CNTN5: variants seen among roughly 807,000 people sequenced by gnomAD.
The protein encoded by CNTN5 is contactin-5.
A neutral mutation model predicts 129.1 loss-of-function variants in CNTN5; 77 were observed. The ratio of observed to expected loss-of-function variants is 0.60; its 90% CI spans 0.50 to 0.72. CNTN5 has a LOEUF of 0.72. Ranked by LOEUF, CNTN5 falls within the 30% of genes least tolerant of loss-of-function variation. CNTN5 has a pLI of 0.00. For synonymous variants in CNTN5, 509 were observed against 465.6 expected (o/e 1.09, Z -1.20); for missense variants, 1,478 against 1,328.8 (o/e 1.11, Z -1.75).
intron 3 of CNTN5, among the ~76,000 whole-genome samples, chr11:99,616,488 G>C (rs957190776): frequency 2.6e-5 from 4 of 152,050 alleles, no homozygotes; most frequent in African/African-American, 9.7e-5. Context: ...TATGATGTTT[G>C]TCCCTGACTA....
chr11:99,341,362 T>C (rs1243788249), intron 2 of CNTN5, among the ~76,000 whole-genome samples: 1 of 152,212 alleles, frequency 6.6e-6, no homozygotes, highest in Admixed American at 6.5e-5. Flanking sequence ...AGTTTACATA[T>C]ATAATCTCAT....
At chr11:99,229,945 TAAG>T (rs1181779562) in intron 1 of CNTN5, among the ~76,000 whole-genome samples, 3 of 151,908 alleles carry the variant, frequency 2.0e-5, no homozygotes, top group Non-Finnish European at 4.4e-5. Flanking sequence ...AATGGAAAAA[TAAG>T]AAAACTTCCT....
At chr11:100,063,512 A>G (rs1943566459) in intron 10 of CNTN5, among the ~76,000 whole-genome samples, 2 of 152,180 alleles carry the variant, frequency 1.3e-5, no homozygotes, top group Admixed American at 1.3e-4. Context: ...TGTTTAGGGT[A>G]GCTTTCTACC....
intron 1 of CNTN5, among the ~76,000 whole-genome samples, chr11:99,042,667 G>T (rs1231983917): frequency 6.6e-6 from 1 of 151,816 alleles, no homozygotes; most frequent in Non-Finnish European, 1.5e-5. Context: ...GAGCCACCGC[G>T]CCCGGCCACC....
intron 4 of CNTN5, among the ~76,000 whole-genome samples, chr11:99,828,541 T>A (rs1313062836): frequency 6.6e-6 from 1 of 152,184 alleles, no homozygotes; most frequent in African/African-American, 2.4e-5. Context: ...ACAATATCAA[T>A]TAACTTTTAA....
intron 2 of CNTN5, among the ~76,000 whole-genome samples, chr11:99,493,608 G>A (rs762565839): frequency 2.0e-5 from 3 of 152,054 alleles, no homozygotes; most frequent in African/African-American, 4.8e-5. Flanking sequence ...CGGTTCTAGT[G>A]CAGGTTCAAA....
chr11:99,810,351 T>G (rs188457454), intron 3 of CNTN5, among the ~76,000 whole-genome samples: 35 of 152,284 alleles, frequency 2.3e-4, no homozygotes, highest in African/African-American at 7.9e-4. Context: ...ATATGTCTAT[T>G]TTTTCAGTCT....
chr11:99,382,844 A>AGTTTTTTTTTTTTTTTT lies in CNTN5; in HGVS notation c.-71+57360_-71+57361insGTTTTTTTTTTTTTTTT, dbSNP rs774797660. Among the ~76,000 whole-genome samples, 6 of 69,400 alleles carry AGTTTTTTTTTTTTTTTT rather than the reference A, an allele frequency of 8.6e-5. 1 individual carries two copies. Among genetic ancestry groups the AGTTTTTTTTTTTTTTTT allele is most frequent in the Admixed American group, 2.2e-4 (1 of 4,474 alleles). 45.5% of individuals were successfully genotyped at this position (69,400 alleles called of 152,430 possible). A position where few individuals can be genotyped will look rare whatever the true frequency, so the allele number is the denominator to read the frequency against. ...CACATCTCACTAGTGTCTCTAAATAACTTTTTTTTTTTTTTTTTTTTTTTT... is the reference window on the plus strand; with the variant it reads ...CACATCTCACTAGTGTCTCTAAATAAGTTTTTTTTTTTTTTTTCTTTTTTTTTTTTTTTTTTTTTTTT... On this transcript the variant is annotated intron_variant, in intron 2 of 24. Transcript: ENST00000524871.
chr11:99,586,230 A>G (rs1422179355), intron 3 of CNTN5, among the ~76,000 whole-genome samples: 2 of 152,152 alleles, frequency 1.3e-5, no homozygotes, highest in African/African-American at 2.4e-5. Flanking sequence ...CTCTATTACC[A>G]TCATCCCACA....
At chr11:99,640,666 A>T (rs1200778669) in intron 3 of CNTN5, among the ~76,000 whole-genome samples, 1 of 152,208 alleles carries the variant, frequency 6.6e-6, no homozygotes, top group Non-Finnish European at 1.5e-5. Context: ...ACAGTATTCT[A>T]CACAGTAATG....
chr11:99,197,498 TC>T (rs1858962584), intron 1 of CNTN5, among the ~76,000 whole-genome samples: 1 of 152,090 alleles, frequency 6.6e-6, no homozygotes. Context: ...ATGTATCTAC[TC>T]AATAATACAT....
intron 3 of CNTN5, among the ~76,000 whole-genome samples, chr11:99,601,660 C>A (rs539186165): frequency 2.7e-4 from 41 of 152,208 alleles, no homozygotes; most frequent in African/African-American, 9.4e-4. Context: ...GACACCACAC[C>A]CTAAAATTTT....
At chr11:100,150,998 A>G (rs530735209) in intron 13 of CNTN5, among the ~76,000 whole-genome samples, 5 of 152,168 alleles carry the variant, frequency 3.3e-5, no homozygotes, top group African/African-American at 1.2e-4. Context: ...AAAAGTAACC[A>G]TCTGCAAGCC....
chr11:100,025,002 A>G (rs1227060431), intron 9 of CNTN5, among the ~76,000 whole-genome samples: 1 of 152,208 alleles, frequency 6.6e-6, no homozygotes, highest in Non-Finnish European at 1.5e-5. Flanking sequence ...TTTATAGCTA[A>G]TGGGAAGCCA....
At chr11:99,311,292 C>T (rs1325034883) in intron 1 of CNTN5, among the ~76,000 whole-genome samples, 3 of 152,068 alleles carry the variant, frequency 2.0e-5, no homozygotes, top group Admixed American at 1.3e-4. Flanking sequence ...GTATTTTTAC[C>T]TACATTATCT....
intron 3 of CNTN5, among the ~76,000 whole-genome samples, chr11:99,595,855 A>G (rs1010507038): frequency 1.1e-4 from 16 of 152,002 alleles, no homozygotes; most frequent in African/African-American, 3.4e-4. Context: ...AGTGTGGTGC[A>G]TCATATCCCT....
At chr11:99,723,429 C>A (rs1943237735) in intron 3 of CNTN5, among the ~76,000 whole-genome samples, 1 of 152,118 alleles carries the variant, frequency 6.6e-6, no homozygotes, top group South Asian at 2.1e-4. Flanking sequence ...CCTATATGAT[C>A]ATTTAATGCC....
intron 1 of CNTN5, among the ~76,000 whole-genome samples, chr11:99,261,192 T>A (rs1862611064): frequency 6.8e-6 from 1 of 148,018 alleles, no homozygotes; most frequent in Non-Finnish European, 1.5e-5. Context: ...CAATGTCACA[T>A]ACCATAAGTC....
At chr11:99,173,138 T>C (rs12808288) in intron 1 of CNTN5, among the ~76,000 whole-genome samples, 20,599 of 152,120 alleles carry the variant, frequency 0.14, 1,848 homozygotes, top group Non-Finnish European at 0.2. Flanking sequence ...AATTTAATCG[T>C]CTCACACCTG....
Sources: gnomAD v4.1 joint callset for allele counts (sites outside exome capture counted in the v4.1 genomes callset) on GRCh38, gnomAD v4.1.1 for gene constraint, MANE v1.5 for transcripts, NCBI Gene and HGNC (gene_info 2026-07-23, HGNC 2026-07-21) for gene names.